Variants in PSD2 observed in about 807,000 individuals in gnomAD.
The protein encoded by PSD2 is pleckstrin and Sec7 domain containing 2.
In PSD2, 38 loss-of-function variants were observed where a neutral mutation model predicts 69.8. That is an observed-to-expected ratio of 0.54 (90% CI 0.42 to 0.71). PSD2 has a LOEUF of 0.71. Among genes scored for constraint, PSD2 ranks in the 30% least tolerant of loss-of-function variants. The pLI is 0.00. For synonymous variants in PSD2, 412 were observed against 423.0 expected (o/e 0.97, Z 0.32); for missense variants, 943 against 1,014.5 (o/e 0.93, Z 0.96).
At chr5:139,777,851 C>A in the PSD2 span, among the ~76,000 whole-genome samples, 1 of 152,026 alleles carries the variant, frequency 6.6e-6, no homozygotes, top group African/African-American at 2.4e-5. Flanking sequence ...CCACTGTATT[C>A]CAGCCTGGGT....
intron 7 of PSD2, among the ~76,000 whole-genome samples, chr5:139,833,024 A>C (rs1475295104): frequency 6.6e-6 from 1 of 152,032 alleles, no homozygotes; most frequent in Non-Finnish European, 1.5e-5. Context: ...TTGTGTGTCC[A>C]TGGCAATTGA....
chr5:139,757,693 G>A, the PSD2 span, among the ~76,000 whole-genome samples: 4 of 152,144 alleles, frequency 2.6e-5, no homozygotes, highest in Non-Finnish European at 4.4e-5. Context: ...GCAAACCAAC[G>A]TATACATAAT....
the PSD2 span, among the ~76,000 whole-genome samples, chr5:139,771,524 G>A: frequency 6.6e-6 from 1 of 152,032 alleles, no homozygotes; most frequent in African/African-American, 2.4e-5. Flanking sequence ...GACTACAGGC[G>A]CCCGCCACCA....
intron 2 of PSD2, 27 bp from the exon 3 acceptor site, chr5:139,813,282 T>TG: frequency 6.6e-7 from 1 of 1,510,232 alleles, no homozygotes; most frequent in Non-Finnish European, 8.9e-7. Context: ...CTTGGCAGGA[T>TG]GGTGACTGGC....
chr5:139,828,621 GC>G (rs1760490343), intron 7 of PSD2, among the ~76,000 whole-genome samples: 1 of 152,178 alleles, frequency 6.6e-6, no homozygotes, highest in Non-Finnish European at 1.5e-5. Flanking sequence ...CCTTTGATCA[GC>G]CCCTCCCCTC....
the PSD2 span, among the ~76,000 whole-genome samples, chr5:139,749,765 G>A: frequency 3.9e-5 from 6 of 152,152 alleles, no homozygotes; most frequent in South Asian, 1.0e-3. Flanking sequence ...GGAGGCCGAG[G>A]TGGGCAGATT....
Position 139,809,746 on chromosome 5 carries a change from C to T in PSD2, c.306C>T (p.Gly102=), listed in dbSNP as rs35562788. 1.5e-5 allele frequency: 25 copies of T among 1,614,044 alleles called. No homozygotes were observed. Among genetic ancestry groups the T allele is most frequent in the Middle Eastern group, 1.6e-4 (1 of 6,084 alleles). Residue 102 remains glycine, a synonymous_variant, in exon 2 of 15, where the codon GGC becomes GGT. Transcript: ENST00000274710. ...DSAESRPWRA[G]VLAEGDNASR... is the part of the protein sequence containing the mutation. ...CGGAGTCCAGGCCCTGGAGGGCTGG[C>T]GTGCTGGCAGAGGGGGACAATGCTT... is the stretch of plus-strand genomic sequence containing the variant.
At chr5:139,797,871 A>G (rs1477896755) in intron 1 of PSD2, among the ~76,000 whole-genome samples, 3 of 152,188 alleles carry the variant, frequency 2.0e-5, no homozygotes, top group Non-Finnish European at 4.4e-5. Flanking sequence ...CCCTGGAGAC[A>G]CAATTTAGGA....
At chr5:139,783,823 G>A in the PSD2 span, among the ~76,000 whole-genome samples, 5 of 151,806 alleles carry the variant, frequency 3.3e-5, no homozygotes, top group Non-Finnish European at 5.9e-5. Context: ...ATTTCTCCTC[G>A]ATATTGTCTC....
chr5:139,781,330 ATCTC>A, the PSD2 span, among the ~76,000 whole-genome samples: 1 of 150,982 alleles, frequency 6.6e-6, no homozygotes, highest in African/African-American at 2.4e-5. Context: ...TTCATCACAT[ATCTC>A]TCTCTTTTTT....
At chr5:139,788,207 G>A in the PSD2 span, among the ~76,000 whole-genome samples, 4 of 148,866 alleles carry the variant, frequency 2.7e-5, no homozygotes, top group Non-Finnish European at 4.5e-5. Flanking sequence ...GCCCAGGCCT[G>A]GCCCGGCTCC....
chr5:139,769,184 G>A, the PSD2 span, among the ~76,000 whole-genome samples: 1 of 152,074 alleles, frequency 6.6e-6, no homozygotes, highest in Non-Finnish European at 1.5e-5. Context: ...AAGGAGCATG[G>A]TGGGAAGAGG....
intron 7 of PSD2, among the ~76,000 whole-genome samples, chr5:139,826,776 T>C (rs1003016385): frequency 1.3e-5 from 2 of 152,122 alleles, no homozygotes; most frequent in Non-Finnish European, 2.9e-5. Context: ...TAAGAGGTGA[T>C]CTAATTTCTT....
At chr5:139,824,856 A>G (rs1760376380) in intron 7 of PSD2, among the ~76,000 whole-genome samples, 1 of 152,084 alleles carries the variant, frequency 6.6e-6, no homozygotes, top group Non-Finnish European at 1.5e-5. Flanking sequence ...TCACTCATCA[A>G]GCAGGGACTG....
Position 139,809,484 on chromosome 5 carries a change from A to C in PSD2, c.44A>C (p.Asp15Ala). Residue 15 changes from aspartate to alanine, a missense_variant, in exon 2 of 15, where the codon GAT (aspartate) becomes GCT (alanine). Coordinates refer to ENST00000274710, the MANE Select transcript of PSD2 (RefSeq NM_032289.4). ...TTATCTGCAGTGCCTGAGGAAGGCG[A>C]TGCCACCCGTGACCCCGGTCCAGAG... ...KLLSAVPEEG[D>A]ATRDPGPEPE... The C allele has an allele frequency of 6.2e-7, 1 of 1,612,856 alleles. No homozygotes were observed.
the PSD2 span, among the ~76,000 whole-genome samples, chr5:139,774,788 C>G: frequency 6.6e-6 from 1 of 152,216 alleles, no homozygotes; most frequent in Non-Finnish European, 1.5e-5. Context: ...CTGCGCCCGG[C>G]CCCGGGAAAG....
At chr5:139,779,343 C>T in the PSD2 span, among the ~76,000 whole-genome samples, 24 of 152,170 alleles carry the variant, frequency 1.6e-4, no homozygotes, top group African/African-American at 5.6e-4. Context: ...ACAGTGAACA[C>T]CTACGTAGCC....
chr5:139,743,276 G>C, the PSD2 span, among the ~76,000 whole-genome samples: 3 of 152,232 alleles, frequency 2.0e-5, no homozygotes, highest in Admixed American at 2.0e-4. Flanking sequence ...TAGGCAGGAA[G>C]GACAGAGCAG....
chr5:139,812,646 C>T (rs1025785594), intron 2 of PSD2, among the ~76,000 whole-genome samples: 2 of 152,292 alleles, frequency 1.3e-5, no homozygotes, highest in Middle Eastern at 3.4e-3. Flanking sequence ...GGCCAGTGTG[C>T]TGTGGGCCTG....
Sources: gnomAD v4.1 joint callset for allele counts (sites outside exome capture counted in the v4.1 genomes callset) on GRCh38, gnomAD v4.1.1 for gene constraint, MANE v1.5 for transcripts, NCBI Gene and HGNC (gene_info 2026-07-23, HGNC 2026-07-21) for gene names.